The following MAGI1 variants were observed in gnomAD, a reference collection of about 807,000 sequenced individuals.
The protein encoded by MAGI1 is membrane-associated guanylate kinase, WW and PDZ domain-containing protein 1.
Under a neutral mutation model 139.9 loss-of-function variants are expected in MAGI1, and 58 were observed. That is an observed-to-expected ratio of 0.41 (90% CI 0.34 to 0.52). The LOEUF (loss-of-function observed/expected upper bound fraction) is 0.52, where lower values mean the gene tolerates loss of function less well. MAGI1 is among the 20% of genes least tolerant of loss of function. MAGI1 has a pLI of 0.12. For missense variants in MAGI1, 1,874 were observed against 1,901.6 expected, an observed-to-expected ratio of 0.99 and a Z score of 0.27; for synonymous variants, 812 against 737.9, an observed-to-expected ratio of 1.10 and a Z score of -1.63.
At chr3:65,910,085 C>G (rs780693195) in intron 1 of MAGI1, among the ~76,000 whole-genome samples, 2 of 152,196 alleles carry the variant, frequency 1.3e-5, no homozygotes. Flanking sequence ...TTCTGCTGTT[C>G]GGCTCAGTTC....
intron 1 of MAGI1, among the ~76,000 whole-genome samples, chr3:65,835,677 T>G (rs1398067811): frequency 1.3e-5 from 2 of 152,236 alleles, no homozygotes; most frequent in Non-Finnish European, 2.9e-5. Flanking sequence ...TTTGCACTAA[T>G]ATTATATTTT....
intron 1 of MAGI1, among the ~76,000 whole-genome samples, chr3:65,652,270 A>C (rs1208500295): frequency 6.6e-6 from 1 of 152,190 alleles, no homozygotes; most frequent in Non-Finnish European, 1.5e-5. Context: ...AAATGTTTCA[A>C]GAAGAAAATA....
At position 65,594,791 on chromosome 3, in the gene MAGI1, T is replaced by TG. The variant is rs774754876; in HGVS notation, c.430+27180dup. Reference sequence around the variant, plus strand: ...AAAAGAAATATCTGCAGTATTCTGATGGGGGGGTGTCTTTTGATTTAGCTT... The same window carrying TG: ...AAAAGAAATATCTGCAGTATTCTGATGGGGGGGGTGTCTTTTGATTTAGCTT... On this transcript the variant is annotated intron_variant, in intron 2 of 22. Coordinates refer to ENST00000402939, the MANE Select transcript of MAGI1 (RefSeq NM_001033057.2). Among the ~76,000 whole-genome samples the TG allele has an allele frequency of 1.6e-4, 25 of 152,258 alleles. 1 individual carries two copies. Among genetic ancestry groups the TG allele is most frequent in the Admixed American group, 9.8e-4 (15 of 15,306 alleles).
intron 1 of MAGI1, among the ~76,000 whole-genome samples, chr3:65,700,951 G>A (rs1391034409): frequency 6.6e-6 from 1 of 152,112 alleles, no homozygotes; most frequent in Non-Finnish European, 1.5e-5. Flanking sequence ...AGAACATGAA[G>A]GCTGGGACCC....
intron 1 of MAGI1, among the ~76,000 whole-genome samples, chr3:65,830,358 A>C (rs144951955): frequency 2.5e-3 from 387 of 152,244 alleles, no homozygotes; most frequent in African/African-American, 8.8e-3. Flanking sequence ...AGAGAAAGAA[A>C]ACATATAAAG....
At chr3:65,757,811 C>T (rs530953695) in intron 1 of MAGI1, among the ~76,000 whole-genome samples, 2 of 152,288 alleles carry the variant, frequency 1.3e-5, no homozygotes, top group African/African-American at 4.8e-5. Context: ...ATTAAGTACT[C>T]ATTTCTGCTT....
intron 1 of MAGI1, among the ~76,000 whole-genome samples, chr3:65,954,822 G>A (rs1193256871): frequency 6.6e-6 from 1 of 152,126 alleles, no homozygotes; most frequent in Non-Finnish European, 1.5e-5. Flanking sequence ...ATACCAAGCA[G>A]GTACTCAGAA....
At chr3:65,601,504 G>A (rs1056503174) in intron 2 of MAGI1, among the ~76,000 whole-genome samples, 1 of 152,248 alleles carries the variant, frequency 6.6e-6, no homozygotes. Flanking sequence ...GCATGATGCT[G>A]TAAAAGTTAA....
chr3:65,760,820 A>T (rs2036964317), intron 1 of MAGI1, among the ~76,000 whole-genome samples: 1 of 152,152 alleles, frequency 6.6e-6, no homozygotes, highest in Admixed American at 6.5e-5. Context: ...GGAAGTTCTC[A>T]TCAACATAAA....
At position 65,714,291 on chromosome 3, in the gene MAGI1, C is replaced by T. The variant is rs146409305; in HGVS notation, c.314-92203G>A. On this transcript the variant is annotated intron_variant, in intron 1 of 22. Transcript: ENST00000402939. The stretch of plus-strand genomic sequence containing the variant: ...CCTGCAAAGAACACTAAGGCCTGAA[C>T]ACCCTCTGCCTGGACCACTGCTTGG... Among the ~76,000 whole-genome samples the T allele has an allele frequency of 7.0e-3, 1,060 of 152,216 alleles. 9 individuals are homozygous for T. Among genetic ancestry groups the T allele is most frequent in the African/African-American group, 0.024 (993 of 41,528 alleles).
At chr3:65,858,499 GAAC>G (rs1172129802) in intron 1 of MAGI1, among the ~76,000 whole-genome samples, 1 of 152,138 alleles carries the variant, frequency 6.6e-6, no homozygotes, top group Admixed American at 6.5e-5. Flanking sequence ...TAAAAGATAA[GAAC>G]CAAGATTTTC....
intron 2 of MAGI1, among the ~76,000 whole-genome samples, chr3:65,577,113 C>G (rs2081211540): frequency 6.6e-6 from 1 of 152,166 alleles, no homozygotes; most frequent in African/African-American, 2.4e-5. Context: ...ACCCTAGGTG[C>G]TCTTTTTGTC....
chr3:65,696,033 T>G (rs74965880), intron 1 of MAGI1, among the ~76,000 whole-genome samples: 1 of 152,194 alleles, frequency 6.6e-6, no homozygotes, highest in South Asian at 2.1e-4. Context: ...TCACTCAAGA[T>G]AAAATCCAAT....
At chr3:66,018,628 T>G (rs1560116226) in intron 1 of MAGI1, among the ~76,000 whole-genome samples, 1 of 152,192 alleles carries the variant, frequency 6.6e-6, no homozygotes, top group Admixed American at 6.5e-5. Context: ...CCCTTGTGGC[T>G]AGGTTCCAGG....
intron 1 of MAGI1, among the ~76,000 whole-genome samples, chr3:65,880,878 G>A (rs912521284): frequency 7.2e-6 from 1 of 138,008 alleles, no homozygotes; most frequent in African/African-American, 2.8e-5. Flanking sequence ...GTCCTCTTCC[G>A]CATTTTCATG....
intron 14 of MAGI1, among the ~76,000 whole-genome samples, chr3:65,389,043 C>T (rs1943682429): frequency 6.6e-6 from 1 of 151,696 alleles, no homozygotes; most frequent in Non-Finnish European, 1.5e-5. Context: ...CGGGGTTTCA[C>T]CATATTGGCC....
At chr3:65,742,544 T>A (rs1275647714) in intron 1 of MAGI1, among the ~76,000 whole-genome samples, 2 of 152,170 alleles carry the variant, frequency 1.3e-5, no homozygotes, top group Non-Finnish European at 2.9e-5. Flanking sequence ...AAGACCCCAG[T>A]CGCTTTTCCC....
intron 1 of MAGI1, among the ~76,000 whole-genome samples, chr3:65,865,790 G>A (rs181570654): frequency 5.3e-5 from 8 of 152,182 alleles, no homozygotes; most frequent in African/African-American, 1.4e-4. Context: ...ACCGGCATTC[G>A]CCACTACACC....
In MAGI1 at chr3:65,685,151, C is replaced by T. The variant is rs563574725; in HGVS notation, c.314-63063G>A. Among the ~76,000 whole-genome samples the T allele has an allele frequency of 1.4e-3, 207 of 151,826 alleles. 2 individuals are homozygous for T. The South Asian group carries it at 0.041, about 30-fold the overall frequency. On this transcript the variant is annotated intron_variant, in intron 1 of 22. Coordinates refer to ENST00000402939, the MANE Select transcript of MAGI1 (RefSeq NM_001033057.2). Reference sequence around the variant, plus strand: ...TTATTTTGTAAAACTGCCTATGAATCCACAATTATCTCAAAATTTTCCATT... The same window carrying T: ...TTATTTTGTAAAACTGCCTATGAATTCACAATTATCTCAAAATTTTCCATT...
Sources: gnomAD v4.1 joint callset for allele counts (sites outside exome capture counted in the v4.1 genomes callset) on GRCh38, gnomAD v4.1.1 for gene constraint, MANE v1.5 for transcripts, NCBI Gene and HGNC (gene_info 2026-07-23, HGNC 2026-07-21) for gene names.